CXADR: variants seen among roughly 807,000 people sequenced by gnomAD.
CXADR encodes the protein CXADR cell adhesion molecule.
CXADR carries 20 observed loss-of-function variants against 40.3 expected under a neutral mutation model. The ratio of observed to expected loss-of-function variants is 0.50; its 90% CI spans 0.35 to 0.72. The LOEUF (loss-of-function observed/expected upper bound fraction) is 0.72. Among genes scored for constraint, CXADR ranks in the 30% least tolerant of loss-of-function variants. The pLI is 0.01. For missense variants in CXADR, 332 were observed against 449.1 expected, an observed-to-expected ratio of 0.74 and a Z score of 2.36; for synonymous variants, 150 against 161.3, an observed-to-expected ratio of 0.93 and a Z score of 0.53.
At chr21:17,590,028 T>A (rs998814258) in intron 7 of CXADR, among the ~76,000 whole-genome samples, 11 of 152,116 alleles carry the variant, frequency 7.2e-5, no homozygotes, top group African/African-American at 2.7e-4. Context: ...CTAGTCTAGA[T>A]AGAAATGTGT....
chr21:17,564,849 C>T (rs985810321), intron 6 of CXADR, among the ~76,000 whole-genome samples: 8 of 152,182 alleles, frequency 5.3e-5, no homozygotes, highest in Admixed American at 5.2e-4. Flanking sequence ...ATTCTCCTGC[C>T]TCAGCCTCCC....
downstream of CXADR, among the ~76,000 whole-genome samples, chr21:17,572,045 G>A (rs2061281361): frequency 1.3e-5 from 2 of 152,024 alleles, no homozygotes; most frequent in Non-Finnish European, 2.9e-5. Flanking sequence ...TACTCTGCAA[G>A]CCACCTGGCC....
the CXADR span, among the ~76,000 whole-genome samples, chr21:17,622,716 A>C: frequency 6.6e-6 from 1 of 152,128 alleles, no homozygotes; most frequent in South Asian, 2.1e-4. Flanking sequence ...TGGTGACTCT[A>C]TTTTGTTTTG....
rs927574234 is a variant in CXADR, at chr21:17,567,440, T to A, written c.*1748T>A. 85 of 985,234 alleles carry A rather than the reference T, an allele frequency of 8.6e-5. No individual in the cohort carries two copies. Among genetic ancestry groups the A allele is most frequent in the Non-Finnish European group, 9.2e-5 (76 of 829,844 alleles). 61.0% of individuals were successfully genotyped at this position (985,234 alleles called of 1,614,324 possible). A position where few individuals can be genotyped will look rare whatever the true frequency, so the allele number is the denominator to read the frequency against. On this transcript the variant is annotated 3_prime_UTR_variant, in exon 7 of 7. Transcript: ENST00000284878. ...TTGGTAATTTAATTTCTATTATGAA[T>A]TTCTGGTGCCTATGAGCTAGCTATC... is the stretch of plus-strand genomic sequence containing the variant.
intron 7 of CXADR, among the ~76,000 whole-genome samples, chr21:17,585,413 C>T (rs1183112881): frequency 1.3e-5 from 2 of 152,134 alleles, no homozygotes; most frequent in Admixed American, 6.6e-5. Flanking sequence ...TATTTCATAT[C>T]ATAATACAAC....
chr21:17,527,036 T>C (rs1227617078), intron 1 of CXADR: 1 of 152,238 alleles, frequency 6.6e-6, no homozygotes, highest in African/African-American at 2.4e-5. Context: ...CAAAATACCC[T>C]ATTTGCATTT....
At chr21:17,534,045 T>TATATAGCTATATATATATATAC (rs1569091517) in intron 1 of CXADR, among the ~76,000 whole-genome samples, 4 of 127,512 alleles carry the variant, frequency 3.1e-5, no homozygotes, top group African/African-American at 1.2e-4. Context: ...TATATATATA[T>TATATAGCTATATATATATATAC]ACACATATAT....
At chr21:17,606,463 T>C in the CXADR span, among the ~76,000 whole-genome samples, 25 of 152,278 alleles carry the variant, frequency 1.6e-4, no homozygotes, top group Admixed American at 1.4e-3. Context: ...CATGGTCTTA[T>C]GCTATAGATT....
At chr21:17,529,489 T>A (rs2060642739) in intron 1 of CXADR, among the ~76,000 whole-genome samples, 1 of 152,014 alleles carries the variant, frequency 6.6e-6, no homozygotes, top group South Asian at 2.1e-4. Flanking sequence ...CCCTGCTAAT[T>A]TTTGTATTTT....
intron 7 of CXADR, among the ~76,000 whole-genome samples, chr21:17,579,984 T>A (rs2061349156): frequency 6.6e-6 from 1 of 152,142 alleles, no homozygotes; most frequent in African/African-American, 2.4e-5. Flanking sequence ...GACTACTTTA[T>A]TTATTTACTT....
At chr21:17,617,300 ATTGTTG>A in the CXADR span, among the ~76,000 whole-genome samples, 3 of 151,514 alleles carry the variant, frequency 2.0e-5, no homozygotes, top group Non-Finnish European at 4.4e-5. Context: ...AGGTGCCATT[ATTGTTG>A]TTGTTGTTGT....
chr21:17,621,923 T>C, the CXADR span, among the ~76,000 whole-genome samples: 5 of 152,216 alleles, frequency 3.3e-5, no homozygotes, highest in Admixed American at 6.5e-5. Flanking sequence ...CATAAAAGTA[T>C]AAAGACAATA....
chr21:17,518,687 G>T, intron 1 of CXADR: 2 of 1,609,622 alleles, frequency 1.2e-6, no homozygotes, highest in Non-Finnish European at 1.7e-6. Context: ...GCACCAAGCT[G>T]ACTTAATATT....
chr21:17,611,371 G>A, the CXADR span, among the ~76,000 whole-genome samples: 1 of 152,260 alleles, frequency 6.6e-6, no homozygotes, highest in African/African-American at 2.4e-5. Context: ...CTGAGTTCTG[G>A]ATTTGTTTCT....
intron 1 of CXADR, among the ~76,000 whole-genome samples, chr21:17,532,104 A>C (rs1766883342): frequency 6.6e-6 from 1 of 151,792 alleles, no homozygotes; most frequent in Non-Finnish European, 1.5e-5. Context: ...CTAACTTAAA[A>C]ATTTTTTTTT....
At chr21:17,561,541 G>A (rs1287187111) in intron 6 of CXADR, 65 bp downstream of exon 6, 8 of 1,398,138 alleles carry the variant, frequency 5.7e-6, no homozygotes, top group South Asian at 1.4e-5. Flanking sequence ...TAAAGCATTC[G>A]TTCTCTTATT....
chr21:17,514,946 A>C (rs1008382850), intron 1 of CXADR, among the ~76,000 whole-genome samples: 1 of 151,846 alleles, frequency 6.6e-6, no homozygotes, highest in Non-Finnish European at 1.5e-5. Context: ...TGTTGTTTTA[A>C]CGGGAATATT....
At chr21:17,560,275 A>C (rs1352050737) in intron 4 of CXADR, among the ~76,000 whole-genome samples, 1 of 152,172 alleles carries the variant, frequency 6.6e-6, no homozygotes, top group Non-Finnish European at 1.5e-5. Context: ...TTTTCAAACT[A>C]AGAGACCAAT....
chr21:17,584,447 G>A (rs1229563676), intron 7 of CXADR, among the ~76,000 whole-genome samples: 1 of 152,172 alleles, frequency 6.6e-6, no homozygotes, highest in African/African-American at 2.4e-5. Flanking sequence ...CACAAGTTTG[G>A]TTATTCTGTC....
Sources: allele counts gnomAD v4.1 joint callset (sites outside exome capture counted in the v4.1 genomes callset), GRCh38; gene constraint gnomAD v4.1.1; transcripts MANE v1.5; gene names NCBI Gene and HGNC (gene_info 2026-07-23, HGNC 2026-07-21).